VSIR: variants seen among roughly 807,000 people sequenced by gnomAD.
VSIR encodes the protein V-type immunoglobulin domain-containing suppressor of T-cell activation.
In VSIR, 10 loss-of-function variants were observed where a neutral mutation model predicts 31.0. The observed-to-expected ratio is 0.32, with a 90% CI of 0.20 to 0.55. The LOEUF (loss-of-function observed/expected upper bound fraction) is 0.55, where lower values mean the gene tolerates loss of function less well. Ranked by LOEUF, VSIR falls within the 20% of genes least tolerant of loss-of-function variation. The pLI is 0.93. For missense variants in VSIR, 356 were observed against 416.2 expected (o/e 0.86, Z 1.26); for synonymous variants, 179 against 180.1 (o/e 0.99, Z 0.05).
At chr10:71,767,226 C>A (rs1213776812) in intron 1 of VSIR, among the ~76,000 whole-genome samples, 4 of 152,224 alleles carry the variant, frequency 2.6e-5, no homozygotes, top group Admixed American at 2.0e-4. Flanking sequence ...CCCCGGGTGA[C>A]CCCTGTGAGT....
intron 4 of VSIR, among the ~76,000 whole-genome samples, chr10:71,754,803 C>T (rs1001908640): frequency 6.6e-6 from 1 of 152,154 alleles, no homozygotes; most frequent in Non-Finnish European, 1.5e-5. Flanking sequence ...AAAGAGCATG[C>T]GTTGAAAGCT....
rs1283266682 is a variant in VSIR, at chr10:71,748,613, G to T, written c.*2640C>A. On this transcript the variant is annotated 3_prime_UTR_variant, in exon 7 of 7. Transcript: ENST00000394957. ...CCTAACAATGAATTAGTTCTTAAAAGCATGGATTTCCCTCTCAGGGCCTCA... is the reference window on the plus strand; with the variant it reads ...CCTAACAATGAATTAGTTCTTAAAATCATGGATTTCCCTCTCAGGGCCTCA... 1.3e-5 allele frequency: 2 copies of T among 152,318 alleles called. No individual in the cohort carries two copies. The allele number at this position is 152,318 out of a possible 1,614,324, so 9.4% of individuals were successfully genotyped here.
intron 2 of VSIR, 100 bp from the exon 3 acceptor site, chr10:71,761,024 G>C: frequency 8.3e-7 from 1 of 1,199,846 alleles, no homozygotes; most frequent in South Asian, 1.2e-5. Context: ...AGGTTCTCAC[G>C]CTAGTGCCTA....
rs72184352 is a variant in VSIR at position 71,760,249 on chromosome 10, A to ATGTATATATG, written c.568+618_568+619insCATATATACA. ...TATATATGTATATACATATATATGT[A>ATGTATATATG]TGTATATATATGTATATACATATAT... is the stretch of plus-strand genomic sequence containing the variant. On this transcript the variant is annotated intron_variant, in intron 3 of 6. Coordinates refer to ENST00000394957, the MANE Select transcript of VSIR (RefSeq NM_022153.2). Among the ~76,000 whole-genome samples the ATGTATATATG allele has an allele frequency of 7.3e-4, 5 of 6,856 alleles. 2 individuals carry two copies. Among genetic ancestry groups the ATGTATATATG allele is most frequent in the Admixed American group, 2.5e-3 (2 of 812 alleles). The allele number at this position is 6,856 out of a possible 152,430, so 4.5% of individuals were successfully genotyped here.
intron 4 of VSIR, 64 bp from the exon 5 acceptor site, chr10:71,753,066 C>T (rs375848739): frequency 1.3e-6 from 2 of 1,573,854 alleles, no homozygotes; most frequent in Admixed American, 3.6e-5. Context: ...AACATCCCTG[C>T]CCCTGCTGGC....
intron 1 of VSIR, among the ~76,000 whole-genome samples, chr10:71,768,036 C>T (rs527780036): frequency 3.2e-4 from 48 of 152,338 alleles, no homozygotes; most frequent in African/African-American, 1.1e-3. Flanking sequence ...AGGCTCCCGG[C>T]TCCAGCCAGC....
intron 1 of VSIR, among the ~76,000 whole-genome samples, chr10:71,762,782 G>A (rs958682429): frequency 2.0e-5 from 3 of 152,228 alleles, no homozygotes; most frequent in African/African-American, 7.2e-5. Flanking sequence ...GTGTCTGAGG[G>A]ACCGGGACAG....
rs376133194 is a variant in VSIR at position 71,770,335 on chromosome 10, A to G, written c.82+3023T>C. Reference sequence around the variant, plus strand: ...GAGGGAGGGGAACTTGCTCAGGGAGACTGAATAACTTGTCCAATATCACAG... The same window carrying G: ...GAGGGAGGGGAACTTGCTCAGGGAGGCTGAATAACTTGTCCAATATCACAG... On this transcript the variant is annotated intron_variant, in intron 1 of 6. Coordinates refer to ENST00000394957, the MANE Select transcript of VSIR (RefSeq NM_022153.2). 3.9e-5 allele frequency among the ~76,000 whole-genome samples: 6 copies of G among 152,326 alleles called. No individual in the cohort carries two copies. In the South Asian group the frequency reaches 1.2e-3, roughly 32 times the overall value.
intron 1 of VSIR, among the ~76,000 whole-genome samples, chr10:71,772,424 G>T (rs545622274): frequency 6.6e-6 from 1 of 152,188 alleles, no homozygotes; most frequent in Non-Finnish European, 1.5e-5. Flanking sequence ...GGTTCCACAG[G>T]CTCTTTGAAG....
intron 1 of VSIR, among the ~76,000 whole-genome samples, chr10:71,763,617 A>T (rs1840453888): frequency 6.6e-6 from 1 of 152,224 alleles, no homozygotes. Context: ...GCTGTGAGCC[A>T]CTTAGACGCT....
At chr10:71,771,066 C>T (rs1448280472) in intron 1 of VSIR, among the ~76,000 whole-genome samples, 1 of 152,176 alleles carries the variant, frequency 6.6e-6, no homozygotes, top group Non-Finnish European at 1.5e-5. Context: ...TGGGGTCTCT[C>T]GTCCCTAGCC....
chr10:71,754,397 C>T (rs1840081386), intron 4 of VSIR, among the ~76,000 whole-genome samples: 1 of 152,086 alleles, frequency 6.6e-6, no homozygotes, highest in Admixed American at 6.6e-5. Context: ...AAATAAGTTG[C>T]GAGCCAAAAG....
At chr10:71,754,035 G>A (rs563253383) in intron 4 of VSIR, among the ~76,000 whole-genome samples, 22 of 152,306 alleles carry the variant, frequency 1.4e-4, no homozygotes, top group Admixed American at 3.3e-4. Context: ...GCAAACTGCC[G>A]TCCTCAAGGC....
At chr10:71,771,375 C>T (rs924376433) in intron 1 of VSIR, among the ~76,000 whole-genome samples, 1 of 152,242 alleles carries the variant, frequency 6.6e-6, no homozygotes, top group African/African-American at 2.4e-5. Context: ...AGGCTGGCCC[C>T]GGCCACTCTA....
At chr10:71,756,516 C>A (rs753410688) in intron 3 of VSIR, among the ~76,000 whole-genome samples, 2 of 152,184 alleles carry the variant, frequency 1.3e-5, no homozygotes, top group African/African-American at 2.4e-5. Context: ...AAATTCCTAG[C>A]GGTCAAAGTG....
intron 3 of VSIR, among the ~76,000 whole-genome samples, chr10:71,757,205 A>G (rs758173229): frequency 2.0e-5 from 3 of 152,262 alleles, no homozygotes; most frequent in Non-Finnish European, 4.4e-5. Flanking sequence ...CTGGACGGCT[A>G]GTAAGCAACA....
chr10:71,765,249 C>A (rs1003136462), intron 1 of VSIR, among the ~76,000 whole-genome samples: 4 of 152,268 alleles, frequency 2.6e-5, no homozygotes, highest in African/African-American at 9.6e-5. Flanking sequence ...CACCCCAGGG[C>A]TGGGAGCTGA....
chr10:71,751,070 G>T lies in VSIR; in HGVS notation c.*183C>A. 2 of 691,874 alleles carry T rather than the reference G, an allele frequency of 2.9e-6. No homozygotes were observed. Among genetic ancestry groups the T allele is most frequent in the Non-Finnish European group, 4.7e-6 (2 of 421,938 alleles). 42.9% of individuals were successfully genotyped at this position (691,874 alleles called of 1,614,324 possible). On this transcript the variant is annotated 3_prime_UTR_variant, in exon 7 of 7. Coordinates refer to ENST00000394957, the MANE Select transcript of VSIR (RefSeq NM_022153.2). The surrounding 1 kb of genome is among the most constrained non-coding windows in gnomAD (Gnocchi z 4.9). ...CTTGGAACAGGGGCTGAGCCGTCCA[G>T]CATCCCCATGTAGCATCCAGAGGGG...
At chr10:71,761,041 A>C in intron 2 of VSIR, 117 bp from the exon 3 acceptor site, 1 of 1,024,200 alleles carries the variant, frequency 9.8e-7, no homozygotes, top group Non-Finnish European at 1.5e-6. Context: ...CCTACTCGGC[A>C]GTGTTGGCCC....
Sources: allele counts gnomAD v4.1 joint callset (sites outside exome capture counted in the v4.1 genomes callset), GRCh38; gene constraint gnomAD v4.1.1; non-coding constraint Gnocchi (gnomAD v3.1); transcripts MANE v1.5; gene names NCBI Gene and HGNC (gene_info 2026-07-23, HGNC 2026-07-21).